The following TTLL6 variants were observed in gnomAD, a reference collection of about 807,000 sequenced individuals.
TTLL6 encodes the protein tubulin tyrosine ligase like 6.
TTLL6 carries 75 observed loss-of-function variants against 96.4 expected under a neutral mutation model. That is an observed-to-expected ratio of 0.78 (90% CI 0.65 to 0.94). The LOEUF (loss-of-function observed/expected upper bound fraction) is 0.94. Ranked by LOEUF, TTLL6 falls within the 40% of genes least tolerant of loss-of-function variation. The probability of loss-of-function intolerance (pLI) is 0.00; values close to 1 mark genes in which losing one functional copy is unlikely to be tolerated. For missense variants in TTLL6, 1,030 were observed against 1,093.0 expected, an observed-to-expected ratio of 0.94 and a Z score of 0.81; for synonymous variants, 411 against 419.4, an observed-to-expected ratio of 0.98 and a Z score of 0.24.
chr17:48,780,469 G>A (rs1385213691), intron 13 of TTLL6, among the ~76,000 whole-genome samples: 2 of 152,140 alleles, frequency 1.3e-5, no homozygotes, highest in Non-Finnish European at 2.9e-5. Context: ...GATCCCCAAA[G>A]CATAATCTCT....
rs1413728244 is a variant in TTLL6, at chr17:48,797,054, A to G, written c.912+7T>C. 3 of 1,550,174 alleles carry G rather than the reference A, an allele frequency of 1.9e-6. No homozygotes were observed. The highest frequency in any genetic ancestry group is 2.6e-6 in the Non-Finnish European group (3 of 1,146,370). On this transcript the variant is annotated splice_region_variant and intron_variant, in intron 7 of 15. Coordinates refer to ENST00000393382, the MANE Select transcript of TTLL6 (RefSeq NM_001130918.3). ...GTAGGGTGAGGTAGTGTGTCTCCTT[A>G]GCTCACCAGGTTGTCTGTGCAAGGG...
rs1406904746 is a variant in TTLL6 at position 48,787,799 on chromosome 17, A to G, written c.1589+12T>C. 1 of 1,611,716 alleles carries G rather than the reference A, an allele frequency of 6.2e-7. No individual in the cohort carries two copies. The highest frequency in any genetic ancestry group is 1.7e-5 in the Admixed American group (1 of 59,932). ...AACCCCTCCACCGACCTCATCCCGG[A>G]TGTCTTCCTACCGGGCATACTCCTC... is the stretch of plus-strand genomic sequence containing the variant. On this transcript the variant is annotated intron_variant, in intron 11 of 15. Transcript: ENST00000393382.
At chr17:48,810,139 C>CAAAAA (rs59291777) in intron 1 of TTLL6, among the ~76,000 whole-genome samples, 11 of 61,686 alleles carry the variant, frequency 1.8e-4, no homozygotes, top group African/African-American at 5.1e-4. Context: ...AACTCTGTCT[C>CAAAAA]AAAAAAAAAA....
At chr17:48,786,095 A>G in intron 12 of TTLL6, 69 bp downstream of exon 12, 1 of 1,597,066 alleles carries the variant, frequency 6.3e-7, no homozygotes, top group South Asian at 1.1e-5. Flanking sequence ...TCTCCTCAGC[A>G]CCCCTCCACG....
chr17:48,805,885 G>A (rs981281767), intron 1 of TTLL6, among the ~76,000 whole-genome samples: 7 of 152,126 alleles, frequency 4.6e-5, no homozygotes, highest in South Asian at 2.1e-4. Context: ...CAAGGCAGGC[G>A]GATCACCTGA....
At chr17:48,770,782 G>A (rs1240090060) in intron 13 of TTLL6, among the ~76,000 whole-genome samples, 1 of 151,656 alleles carries the variant, frequency 6.6e-6, no homozygotes, top group Non-Finnish European at 1.5e-5. Flanking sequence ...CAAAGTGCTG[G>A]GATTACAGGC....
intron 8 of TTLL6, among the ~76,000 whole-genome samples, chr17:48,792,084 G>A (rs1050122632): frequency 6.6e-6 from 1 of 152,160 alleles, no homozygotes; most frequent in Non-Finnish European, 1.5e-5. Flanking sequence ...TTTTAGGGCT[G>A]CCCACAAGGA....
chr17:48,792,427 G>A (rs1224807622), intron 8 of TTLL6, among the ~76,000 whole-genome samples: 1 of 152,170 alleles, frequency 6.6e-6, no homozygotes, highest in Admixed American at 6.5e-5. Context: ...AAGTGGAAGT[G>A]GCAGTGTGGA....
chr17:48,785,283 G>A, intron 12 of TTLL6, 82 bp from the exon 13 acceptor site: 1 of 1,575,336 alleles, frequency 6.3e-7, no homozygotes, highest in Non-Finnish European at 8.6e-7. Flanking sequence ...CCAGGGGTAG[G>A]TGAAAAAGAG....
intron 1 of TTLL6, among the ~76,000 whole-genome samples, chr17:48,812,725 T>TA (rs978044764): frequency 6.6e-5 from 10 of 152,202 alleles, no homozygotes; most frequent in African/African-American, 2.4e-4. Flanking sequence ...GAAAAGATAC[T>TA]AAAAATGAGA....
At chr17:48,807,239 C>T (rs889588600) in intron 1 of TTLL6, among the ~76,000 whole-genome samples, 10 of 151,352 alleles carry the variant, frequency 6.6e-5, no homozygotes, top group African/African-American at 2.2e-4. Flanking sequence ...TACAGGCATA[C>T]ACCACCACAC....
At chr17:48,783,722 C>A (rs557066229) in intron 13 of TTLL6, among the ~76,000 whole-genome samples, 1 of 152,296 alleles carries the variant, frequency 6.6e-6, no homozygotes, top group South Asian at 2.1e-4. Flanking sequence ...TGAGCCACTG[C>A]ACTCAGCTTT....
chr17:48,806,718 A>T (rs929521175), intron 1 of TTLL6, among the ~76,000 whole-genome samples: 1 of 152,228 alleles, frequency 6.6e-6, no homozygotes, highest in African/African-American at 2.4e-5. Flanking sequence ...CTGTCTATGA[A>T]TTCACTTTTA....
At chr17:48,803,795 C>T (rs1051612342) in intron 3 of TTLL6, 96 bp downstream of exon 3, 2 of 1,279,854 alleles carry the variant, frequency 1.6e-6, no homozygotes, top group African/African-American at 1.5e-5. Context: ...AAGATACGCC[C>T]TTTCATCCTC....
chr17:48,811,695 C>CTTTTTT (rs34983566), intron 1 of TTLL6, among the ~76,000 whole-genome samples: 5 of 119,018 alleles, frequency 4.2e-5, no homozygotes, highest in East Asian at 2.3e-4. Flanking sequence ...GAGCAGAAAG[C>CTTTTTT]TTTTTTTTTT....
chr17:48,797,787 C>CA (rs58265844), intron 6 of TTLL6, among the ~76,000 whole-genome samples: 141 of 58,560 alleles, frequency 2.4e-3, no homozygotes, highest in South Asian at 0.021. Flanking sequence ...AACTCCATCT[C>CA]AAAAAAAAAA....
intron 5 of TTLL6, chr17:48,800,368 T>C (rs2039388533): frequency 1.3e-5 from 2 of 152,408 alleles, no homozygotes; most frequent in South Asian, 2.1e-4. Context: ...GAAACTAAAT[T>C]AATGGATTCG....
chr17:48,797,120 T>G lies in TTLL6; in HGVS notation c.853A>C (p.Asn285His). ...SCDPLRIFVY[N>H]EGLARFATTS... ...GTCGCAAAGCGGGCCAGTCCTTCAT[T>G]GTACACAAAAATCCTGAGAGGGTCA... Residue 285 changes from asparagine (N) to histidine (H), a missense_variant, in exon 7 of 16, where the codon AAT (asparagine) becomes CAT (histidine). Coordinates refer to ENST00000393382, the MANE Select transcript of TTLL6 (RefSeq NM_001130918.3). The G allele has an allele frequency of 6.4e-7, 1 of 1,551,622 alleles. No homozygotes were observed. Among genetic ancestry groups the G allele is most frequent in the Non-Finnish European group, 8.7e-7 (1 of 1,146,992 alleles).
intron 8 of TTLL6, among the ~76,000 whole-genome samples, chr17:48,794,780 T>C (rs1308786205): frequency 1.3e-5 from 2 of 152,214 alleles, no homozygotes; most frequent in African/African-American, 2.4e-5. Context: ...GCCTCTCTGA[T>C]GGTCTGAAGC....
Sources: gnomAD v4.1 joint callset for allele counts (sites outside exome capture counted in the v4.1 genomes callset) on GRCh38, gnomAD v4.1.1 for gene constraint, MANE v1.5 for transcripts, NCBI Gene and HGNC (gene_info 2026-07-23, HGNC 2026-07-21) for gene names.